GSE1: variants seen among roughly 807,000 people sequenced by gnomAD.
The protein encoded by GSE1 is genetic suppressor element 1.
Under a neutral mutation model 112.6 loss-of-function variants are expected in GSE1, and 32 were observed. The observed-to-expected ratio is 0.28, with a 90% CI of 0.21 to 0.38. The LOEUF (loss-of-function observed/expected upper bound fraction) is 0.38. Ranked by LOEUF, GSE1 falls within the 10% of genes least tolerant of loss-of-function variation. The pLI, the probability that GSE1 is intolerant of heterozygous loss-of-function variation, is 1.00. For missense variants in GSE1, 2,348 were observed against 1,699.2 expected, an observed-to-expected ratio of 1.38 and a Z score of -6.71; for synonymous variants, 1,115 against 735.6, an observed-to-expected ratio of 1.52 and a Z score of -8.35.
chr16:85,657,026 A>G (rs1212868783), intron 7 of GSE1, among the ~76,000 whole-genome samples: 1 of 152,256 alleles, frequency 6.6e-6, no homozygotes, highest in Non-Finnish European at 1.5e-5. Flanking sequence ...TTGAGCCAGC[A>G]TGAGCTGGCT....
chr16:85,441,730 C>T (rs562562381), intron 2 of GSE1, among the ~76,000 whole-genome samples: 2 of 152,274 alleles, frequency 1.3e-5, no homozygotes, highest in South Asian at 4.1e-4. Flanking sequence ...CCAGGAAAGG[C>T]TGTTGTGATA....
chr16:85,661,428 T>A lies in GSE1; in HGVS notation c.1923T>A (p.Arg641=), dbSNP rs2151958827. 1 of 1,612,082 alleles carries A rather than the reference T, an allele frequency of 6.2e-7. No individual in the cohort carries two copies. The highest frequency in any genetic ancestry group is 8.5e-7 in the Non-Finnish European group (1 of 1,179,608). The change falls in exon 9 of 16, where the codon CGT becomes CGA. Residue 641 remains arginine, a synonymous_variant. Coordinates refer to ENST00000253458, the MANE Select transcript of GSE1 (RefSeq NM_014615.5). ...AAGCAGAGGAGGGGCCACGGAAGCGTGAGCCTGCCCCTCTGGACAAGTACC... is the reference window on the plus strand; with the variant it reads ...AAGCAGAGGAGGGGCCACGGAAGCGAGAGCCTGCCCCTCTGGACAAGTACC... The part of the protein sequence containing the change: ...PEKAEEGPRK[R]EPAPLDKYQP...
At chr16:85,188,747 G>C (rs1004355801) in intron 1 of GSE1, among the ~76,000 whole-genome samples, 51 of 151,726 alleles carry the variant, frequency 3.4e-4, no homozygotes, top group Admixed American at 3.2e-3. Context: ...GCTGCAGTGA[G>C]CTATGATCAC....
chr16:85,242,129 C>A (rs1288098676), intron 1 of GSE1, among the ~76,000 whole-genome samples: 1 of 152,196 alleles, frequency 6.6e-6, no homozygotes, highest in Non-Finnish European at 1.5e-5. Context: ...AGATTCACTG[C>A]CCATCACACG....
rs139026945 is a variant in GSE1, at chr16:85,654,283, C to G, written c.432C>G (p.Ala144=). 6.3e-7 allele frequency: 1 copy of G among 1,595,686 alleles called. No homozygotes were observed. Among genetic ancestry groups the G allele is most frequent in the East Asian group, 2.3e-5 (1 of 43,262 alleles). The change falls in exon 4 of 16, where the codon GCC becomes GCG. Residue 144 remains alanine, a synonymous_variant. Transcript: ENST00000253458. ...GVWRSESRQD[A]GSRSSSGGRE... ...TGGACGCTCTCCTCCCGCAGGATGC[C>G]GGCTCCAGGAGCAGCAGTGGAGGTC... is the stretch of plus-strand genomic sequence containing the variant.
chr16:85,547,086 C>T (rs143011622), intron 2 of GSE1, among the ~76,000 whole-genome samples: 1 of 152,164 alleles, frequency 6.6e-6, no homozygotes, highest in Non-Finnish European at 1.5e-5. Context: ...CCTCAGGACA[C>T]TTTATCTCAA....
At chr16:85,402,853 C>G (rs1469512356) in intron 2 of GSE1, among the ~76,000 whole-genome samples, 1 of 151,814 alleles carries the variant, frequency 6.6e-6, no homozygotes, top group African/African-American at 2.4e-5. Context: ...GAGATGGGGC[C>G]TGCAGTGAGC....
intron 2 of GSE1, among the ~76,000 whole-genome samples, chr16:85,450,857 T>G (rs1354636671): frequency 6.6e-6 from 1 of 152,020 alleles, no homozygotes; most frequent in Non-Finnish European, 1.5e-5. Context: ...GGTTAGGCGT[T>G]CGAGACCAGC....
intron 2 of GSE1, among the ~76,000 whole-genome samples, chr16:85,477,589 C>T (rs1488402332): frequency 7.2e-6 from 1 of 138,990 alleles, no homozygotes; most frequent in African/African-American, 2.6e-5. Context: ...GAGATGGAGT[C>T]TCGCTCTGTC....
At chr16:85,510,530 C>A (rs943599995) in intron 2 of GSE1, among the ~76,000 whole-genome samples, 4 of 152,192 alleles carry the variant, frequency 2.6e-5, no homozygotes, top group Non-Finnish European at 5.9e-5. Flanking sequence ...TGTGTGAGAA[C>A]AGGCCCTGGG....
rs1567680189 is a variant in GSE1 at position 85,311,225 on chromosome 16, T to G, written c.2284-46238T>G. On this transcript the variant is annotated intron_variant, in intron 1 of 2. Transcript: ENST00000637419. The surrounding 1 kb of genome is among the most constrained non-coding windows in gnomAD (Gnocchi z 4.2). Reference sequence around the variant, plus strand: ...CAGAAGAGCTGAGACTTGAATCCCATGGCACTGATGTGGGCACAAAGGGGC... The same window carrying G: ...CAGAAGAGCTGAGACTTGAATCCCAGGGCACTGATGTGGGCACAAAGGGGC... Among the ~76,000 whole-genome samples the G allele has an allele frequency of 6.6e-6, 1 of 152,108 alleles. No homozygotes were observed. Among genetic ancestry groups the G allele is most frequent in the African/African-American group, 2.4e-5 (1 of 41,438 alleles).
chr16:85,292,949 A>G (rs1259043256), intron 1 of GSE1, among the ~76,000 whole-genome samples: 2 of 152,138 alleles, frequency 1.3e-5, no homozygotes, highest in Admixed American at 6.5e-5. Context: ...TATTGGCTTT[A>G]TGGAGGAATA....
chr16:85,663,489 C>T lies in GSE1; in HGVS notation c.2519C>T (p.Ser840Leu), dbSNP rs1369387285. Residue 840 changes from serine to leucine, a missense_variant, in exon 11 of 16, where the codon TCA (serine) becomes TTA (leucine). Coordinates refer to ENST00000253458, the MANE Select transcript of GSE1 (RefSeq NM_014615.5). Reference protein sequence around the residue: ...PTIQSKRQTPSPRLALSTRYS... With the variant: ...PTIQSKRQTPLPRLALSTRYS... Reference sequence around the variant, plus strand: ...ATTCAGAGCAAGCGGCAGACGCCTTCACCGAGACTGGCGCTGTCTACCCGC... The same window carrying T: ...ATTCAGAGCAAGCGGCAGACGCCTTTACCGAGACTGGCGCTGTCTACCCGC... The T allele has an allele frequency of 1.2e-6, 2 of 1,613,958 alleles. No homozygotes were observed. The highest frequency in any genetic ancestry group is 1.7e-6 in the Non-Finnish European group (2 of 1,180,034).
chr16:85,517,263 G>A (rs918984436), intron 2 of GSE1, among the ~76,000 whole-genome samples: 4 of 152,014 alleles, frequency 2.6e-5, no homozygotes. Flanking sequence ...GAGGAGATGG[G>A]TTACCTGAGG....
At chr16:85,637,789 G>C (rs1035437726) in intron 2 of GSE1, among the ~76,000 whole-genome samples, 13 of 152,228 alleles carry the variant, frequency 8.5e-5, no homozygotes, top group African/African-American at 2.9e-4. Context: ...CACCTGCCGG[G>C]GAGTGGGGTC....
intron 2 of GSE1, among the ~76,000 whole-genome samples, chr16:85,434,348 C>A (rs1004050052): frequency 3.5e-5 from 5 of 141,086 alleles, no homozygotes; most frequent in African/African-American, 1.1e-4. Flanking sequence ...TAATAATAAT[C>A]AGTGCCGTCC....
In GSE1 at chr16:85,407,859, A is replaced by T. The variant is rs1243695195; in HGVS notation, c.2464+50216A>T. 5.8e-4 allele frequency among the ~76,000 whole-genome samples: 7 copies of T among 12,070 alleles called. 2 individuals carry two copies. The highest frequency in any genetic ancestry group is 3.6e-3 in the African/African-American group (7 of 1,936). The allele number at this position is 12,070 out of a possible 152,430, so 7.9% of individuals were successfully genotyped here. A position where few individuals can be genotyped will look rare whatever the true frequency, so the allele number is the denominator to read the frequency against. ...CCCCCTGGACAATCCTCACCGTTACACTCAGGCCCCCCGGATAATCCTCAC... is the reference window on the plus strand; with the variant it reads ...CCCCCTGGACAATCCTCACCGTTACTCTCAGGCCCCCCGGATAATCCTCAC... On this transcript the variant is annotated intron_variant, in intron 2 of 2. Transcript: ENST00000637419.
chr16:85,254,374 T>G (rs926171852), intron 1 of GSE1, among the ~76,000 whole-genome samples: 1 of 152,168 alleles, frequency 6.6e-6, no homozygotes, highest in African/African-American at 2.4e-5. Context: ...GACTGGGACA[T>G]GTGTTGACCC....
chr16:85,230,071 G>A (rs970779872), intron 1 of GSE1, among the ~76,000 whole-genome samples: 4 of 152,324 alleles, frequency 2.6e-5, no homozygotes, highest in Admixed American at 6.5e-5. Flanking sequence ...TGGCTGCTGC[G>A]TGGGCAGCTG....
Sources: allele counts gnomAD v4.1 joint callset (sites outside exome capture counted in the v4.1 genomes callset), GRCh38; gene constraint gnomAD v4.1.1; non-coding constraint Gnocchi (gnomAD v3.1); transcripts MANE v1.5; gene names NCBI Gene and HGNC (gene_info 2026-07-23, HGNC 2026-07-21).